RNF125: variants seen among roughly 807,000 people sequenced by gnomAD.
RNF125 encodes the protein ring finger protein 125, also known as E3 ubiquitin-protein ligase RNF125.
In RNF125, 21 loss-of-function variants were observed where a neutral mutation model predicts 26.0. That is an observed-to-expected ratio of 0.81 (90% confidence interval 0.57 to 1.16). The LOEUF (loss-of-function observed/expected upper bound fraction) is 1.16, where lower values mean the gene tolerates loss of function less well. Ranked by LOEUF, RNF125 falls within the 50% of genes most tolerant of loss-of-function variation. The pLI is 0.00. For synonymous variants in RNF125, 95 were observed against 109.2 expected, an observed-to-expected ratio of 0.87 and a Z score of 0.81; for missense variants, 270 against 299.4, an observed-to-expected ratio of 0.90 and a Z score of 0.72.
rs903267168 is a variant in RNF125 at position 32,028,124 on chromosome 18, C to A, written c.165-8992C>A. Among the ~76,000 whole-genome samples the A allele has an allele frequency of 2.8e-4, 43 of 151,430 alleles. 2 individuals carry two copies. Among genetic ancestry groups the A allele is most frequent in the African/African-American group, 1.0e-3 (43 of 41,304 alleles). On this transcript the variant is annotated intron_variant, in intron 1 of 5. Transcript: ENST00000217740. ...CCATCCTGGCTAACATGGTGAAACC[C>A]CGTCTCTACTAAAAATACAAAAAAT...
chr18:32,054,315 A>T (rs539061127), intron 4 of RNF125, among the ~76,000 whole-genome samples: 2 of 151,460 alleles, frequency 1.3e-5, no homozygotes, highest in East Asian at 3.9e-4. Flanking sequence ...TTGGTCTTGA[A>T]CTCCTGACCT....
intron 1 of RNF125, among the ~76,000 whole-genome samples, chr18:32,034,065 C>T (rs1301285544): frequency 6.6e-6 from 1 of 152,058 alleles, no homozygotes; most frequent in African/African-American, 2.4e-5. Context: ...ACATAGTTAT[C>T]ACAGATGCAC....
chr18:32,073,922 G>A (rs2039552606), downstream of RNF125, among the ~76,000 whole-genome samples: 2 of 152,150 alleles, frequency 1.3e-5, no homozygotes, highest in African/African-American at 2.4e-5. Context: ...TTATGTTTTT[G>A]TATTATTACT....
intron 4 of RNF125, among the ~76,000 whole-genome samples, chr18:32,063,888 G>C (rs1471710096): frequency 6.6e-6 from 1 of 151,734 alleles, no homozygotes; most frequent in Non-Finnish European, 1.5e-5. Flanking sequence ...ATGGGGAACA[G>C]AGCAGAGGTT....
the RNF125 span, among the ~76,000 whole-genome samples, chr18:32,079,407 C>T: frequency 6.6e-6 from 1 of 152,160 alleles, no homozygotes; most frequent in Admixed American, 6.5e-5. Context: ...AACATTCAGT[C>T]CTTAACAACA....
At chr18:32,046,791 G>A (rs28621808) in intron 4 of RNF125, among the ~76,000 whole-genome samples, 64,708 of 151,850 alleles carry the variant, frequency 0.43, 13,958 homozygotes, top group African/African-American at 0.51. Context: ...TTCAGCCTTG[G>A]CGTTTTAGTT....
At chr18:32,061,260 A>G (rs557522633) in intron 4 of RNF125, among the ~76,000 whole-genome samples, 77 of 151,974 alleles carry the variant, frequency 5.1e-4, no homozygotes, top group African/African-American at 1.6e-3. Context: ...TCCTGACCTC[A>G]TGATCCGCCC....
At chr18:32,020,019 T>TGC (rs2038971046) in intron 1 of RNF125, among the ~76,000 whole-genome samples, 1 of 35,728 alleles carries the variant, frequency 2.8e-5, no homozygotes, top group South Asian at 8.4e-4. Flanking sequence ...TGTGTGTGTG[T>TGC]GTGTGTGTGT....
At chr18:32,075,898 C>G, downstream of RNF125, 1 of 1,273,886 alleles carries the variant, frequency 7.9e-7, no homozygotes, top group Non-Finnish European at 1.1e-6. Flanking sequence ...GAAAAGAATC[C>G]TAGGATTTTC....
rs574501982 is a variant in RNF125 at position 32,018,902 on chromosome 18, G to C, written c.39G>C (p.Ala13=). 1.9e-6 allele frequency: 3 copies of C among 1,599,948 alleles called. No individual in the cohort carries two copies. The South Asian group carries it at 3.4e-5, about 18-fold the overall frequency. The part of the protein sequence containing the change: ...SVLSTDSGKS[A]PASATARALE... ...TGAGCACCGACAGCGGCAAATCGGC[G>C]CCCGCCTCTGCCACCGCGCGGGCCC... Residue 13 remains alanine (A), a synonymous_variant, in exon 1 of 6, where the codon GCG becomes GCC. Coordinates refer to ENST00000217740, the MANE Select transcript of RNF125 (RefSeq NM_017831.4).
chr18:32,039,706 T>G (rs2039196554), intron 2 of RNF125, among the ~76,000 whole-genome samples: 2 of 151,820 alleles, frequency 1.3e-5, no homozygotes, highest in South Asian at 4.2e-4. Flanking sequence ...TTAACTTGTG[T>G]GGAAATCCAC....
At chr18:32,073,861 G>A (rs762518835), downstream of RNF125, among the ~76,000 whole-genome samples, 1 of 152,126 alleles carries the variant, frequency 6.6e-6, no homozygotes, top group Non-Finnish European at 1.5e-5. Context: ...ATTGAAATAA[G>A]ACAAAATATT....
the RNF125 span, among the ~76,000 whole-genome samples, chr18:32,089,156 TGA>T: frequency 6.6e-6 from 1 of 152,204 alleles, no homozygotes; most frequent in Non-Finnish European, 1.5e-5. Context: ...TTGGCCCAGC[TGA>T]GAGACAGGTC....
In RNF125 at chr18:32,018,863, G is replaced by C. The variant is rs773621700; in HGVS notation, c.-1G>C. ...CAGCTGTCTGGGCGAGAGGCACAGC[G>C]ATGGGCTCCGTGCTGAGCACCGACA... On this transcript the variant is annotated 5_prime_UTR_variant, in exon 1 of 6. Transcript: ENST00000217740. The C allele has an allele frequency of 1.1e-5, 17 of 1,572,366 alleles. No individual in the cohort carries two copies. The highest frequency in any genetic ancestry group is 1.7e-4 in the Middle Eastern group (1 of 5,884).
chr18:32,041,532 C>T (rs1230572167), intron 2 of RNF125, among the ~76,000 whole-genome samples: 1 of 150,774 alleles, frequency 6.6e-6, no homozygotes, highest in African/African-American at 2.4e-5. Flanking sequence ...CCCTTGCTTC[C>T]TTCTTTCTAA....
chr18:32,079,314 C>A, the RNF125 span, among the ~76,000 whole-genome samples: 1 of 152,288 alleles, frequency 6.6e-6, no homozygotes, highest in South Asian at 2.1e-4. Context: ...CTCATCTAAT[C>A]CTAATTACCA....
chr18:32,035,148 T>C (rs2039140618), intron 1 of RNF125, among the ~76,000 whole-genome samples: 1 of 152,118 alleles, frequency 6.6e-6, no homozygotes, highest in South Asian at 2.1e-4. Context: ...CCACTGAGAC[T>C]ATATGTAATA....
chr18:32,085,416 A>AGAGAGAGAGAG, the RNF125 span, among the ~76,000 whole-genome samples: 58 of 125,106 alleles, frequency 4.6e-4, no homozygotes, highest in African/African-American at 1.5e-3. Flanking sequence ...AGAGAGAGAG[A>AGAGAGAGAGAG]AAGCTGGGTG....
intron 5 of RNF125, among the ~76,000 whole-genome samples, chr18:32,067,766 G>A (rs117140994): frequency 0.011 from 1,669 of 152,322 alleles, 14 homozygotes; most frequent in Middle Eastern, 0.02. Context: ...TGTTATTGCG[G>A]AAGAGGAGAG....
Sources: gnomAD v4.1 joint callset for allele counts (sites outside exome capture counted in the v4.1 genomes callset) on GRCh38, gnomAD v4.1.1 for gene constraint, MANE v1.5 for transcripts, NCBI Gene and HGNC (gene_info 2026-07-23, HGNC 2026-07-21) for gene names.